DIAPH3: variants seen among roughly 807,000 people sequenced by gnomAD.
DIAPH3 encodes diaphanous related formin 3, also known as protein diaphanous homolog 3.
DIAPH3 carries 117 observed loss-of-function variants against 144.3 expected under a neutral mutation model. The ratio of observed to expected loss-of-function variants is 0.81; its 90% CI spans 0.70 to 0.95. The LOEUF is 0.95. Among genes scored for constraint, DIAPH3 ranks in the 40% least tolerant of loss-of-function variants. The probability of loss-of-function intolerance (pLI) is 0.00; values close to 1 mark genes in which losing one functional copy is unlikely to be tolerated. For synonymous variants in DIAPH3, 519 were observed against 488.9 expected, an observed-to-expected ratio of 1.06 and a Z score of -0.81; for missense variants, 1,421 against 1,412.7, an observed-to-expected ratio of 1.01 and a Z score of -0.09.
intron 1 of DIAPH3, among the ~76,000 whole-genome samples, chr13:60,142,642 C>T (rs2059449120): frequency 6.6e-6 from 1 of 152,146 alleles, no homozygotes; most frequent in Non-Finnish European, 1.5e-5. Context: ...AGCCCAGCAC[C>T]AGCCATGGTT....
intron 27 of DIAPH3, among the ~76,000 whole-genome samples, chr13:59,741,293 C>T (rs1593721271): frequency 6.6e-6 from 1 of 152,098 alleles, no homozygotes. Flanking sequence ...AACAAAAAAT[C>T]TGAGTGAATA....
chr13:59,939,642 C>T (rs1240574218), intron 17 of DIAPH3, among the ~76,000 whole-genome samples: 1 of 152,104 alleles, frequency 6.6e-6, no homozygotes, highest in African/African-American at 2.4e-5. Flanking sequence ...AAACCATTTA[C>T]CCAGGACCAG....
At chr13:59,870,987 C>T (rs1374034741) in intron 21 of DIAPH3, among the ~76,000 whole-genome samples, 3 of 152,078 alleles carry the variant, frequency 2.0e-5, no homozygotes, top group Non-Finnish European at 4.4e-5. Context: ...TTTCCTCATA[C>T]AGATCTTATA....
chr13:59,800,273 T>G (rs1156592319), intron 25 of DIAPH3, among the ~76,000 whole-genome samples: 1 of 152,224 alleles, frequency 6.6e-6, no homozygotes, highest in Non-Finnish European at 1.5e-5. Context: ...TCCCCTTCTT[T>G]TCTTACCTTT....
chr13:59,992,371 T>C, intron 10 of DIAPH3, 102 bp downstream of exon 10: 1 of 1,159,362 alleles, frequency 8.6e-7, no homozygotes, highest in South Asian at 1.4e-5. Flanking sequence ...CTCAAGCCTT[T>C]TCCCACAGAT....
chr13:59,825,623 A>G (rs1459922734), intron 24 of DIAPH3, among the ~76,000 whole-genome samples: 1 of 152,196 alleles, frequency 6.6e-6, no homozygotes. Flanking sequence ...TGACTTCCAC[A>G]ATGGTTGAAC....
chr13:59,826,266 G>T (rs1177625145), intron 24 of DIAPH3, among the ~76,000 whole-genome samples: 1 of 93,166 alleles, frequency 1.1e-5, no homozygotes, highest in Admixed American at 1.2e-4. Flanking sequence ...TGACATGATT[G>T]TATATCTAGA....
intron 13 of DIAPH3, among the ~76,000 whole-genome samples, chr13:59,983,442 C>A (rs1469179674): frequency 6.6e-6 from 1 of 151,342 alleles, no homozygotes; most frequent in Non-Finnish European, 1.5e-5. Context: ...ATTTTTAGGA[C>A]CTTATCAAAG....
At chr13:59,964,842 C>T (rs1391996734) in intron 17 of DIAPH3, among the ~76,000 whole-genome samples, 1 of 152,152 alleles carries the variant, frequency 6.6e-6, no homozygotes, top group Non-Finnish European at 1.5e-5. Flanking sequence ...TCATTCTCTA[C>T]TGACTTTCTC....
chr13:59,879,114 C>A, intron 21 of DIAPH3, 115 bp downstream of exon 21: 2 of 1,451,876 alleles, frequency 1.4e-6, no homozygotes, highest in East Asian at 4.9e-5. Flanking sequence ...TGGTTCAGTT[C>A]AAGTTCTTGA....
At chr13:59,805,992 T>G (rs1318695016) in intron 25 of DIAPH3, among the ~76,000 whole-genome samples, 6 of 151,986 alleles carry the variant, frequency 3.9e-5, no homozygotes, top group Admixed American at 6.6e-5. Flanking sequence ...CTACCTCAGA[T>G]AGTGATACAA....
chr13:59,952,955 T>C (rs1291738335), intron 17 of DIAPH3, among the ~76,000 whole-genome samples: 3 of 152,166 alleles, frequency 2.0e-5, no homozygotes, highest in African/African-American at 7.2e-5. Context: ...GAGCTTAAAT[T>C]CCAGTGGGAG....
intron 20 of DIAPH3, among the ~76,000 whole-genome samples, chr13:59,905,729 A>C (rs895791504): frequency 1.3e-5 from 2 of 152,148 alleles, no homozygotes; most frequent in Admixed American, 1.3e-4. Context: ...TATAAGAGGG[A>C]AGCAGGAGGG....
intron 5 of DIAPH3, among the ~76,000 whole-genome samples, chr13:60,041,788 T>A (rs2055688880): frequency 6.6e-6 from 1 of 152,186 alleles, no homozygotes; most frequent in South Asian, 2.1e-4. Flanking sequence ...TCCTTGTAGC[T>A]CTGAAATTCT....
chr13:59,889,605 T>A (rs1391522722), intron 20 of DIAPH3, among the ~76,000 whole-genome samples: 1 of 152,066 alleles, frequency 6.6e-6, no homozygotes, highest in African/African-American at 2.4e-5. Flanking sequence ...CTGGGCCATT[T>A]TGGACTTCTT....
chr13:59,916,272 G>A lies in DIAPH3; in HGVS notation c.2171-23C>T, dbSNP rs547471339. 22 of 1,565,842 alleles carry A rather than the reference G, an allele frequency of 1.4e-5. No homozygotes were observed. The East Asian group carries it at 3.1e-4, about 22-fold the overall frequency. On this transcript the variant is annotated intron_variant, in intron 18 of 27. Transcript: ENST00000400324. ...TTGCTAAGAAGGAGAAAGAGAGAAA[G>A]GTTTATAATGAATAAGGTTTAAAAA...
chr13:59,816,505 ATTAT>A (rs1327958383), intron 24 of DIAPH3, among the ~76,000 whole-genome samples: 2 of 151,380 alleles, frequency 1.3e-5, no homozygotes, highest in Non-Finnish European at 3.0e-5. Flanking sequence ...TATCCTCAAT[ATTAT>A]TTATCTTCTC....
intron 23 of DIAPH3, among the ~76,000 whole-genome samples, chr13:59,836,647 CTT>C (rs1424211939): frequency 6.6e-6 from 1 of 151,722 alleles, no homozygotes; most frequent in African/African-American, 2.4e-5. Context: ...AAAATTGTAT[CTT>C]AATAATTTAA....
chr13:59,944,429 C>A (rs2048697717), intron 17 of DIAPH3, among the ~76,000 whole-genome samples: 2 of 152,136 alleles, frequency 1.3e-5, no homozygotes, highest in African/African-American at 2.4e-5. Context: ...GAGAAAGAAG[C>A]AAACTATGGC....
Sources: gnomAD v4.1 joint callset for allele counts (sites outside exome capture counted in the v4.1 genomes callset) on GRCh38, gnomAD v4.1.1 for gene constraint, MANE v1.5 for transcripts, NCBI Gene and HGNC (gene_info 2026-07-23, HGNC 2026-07-21) for gene names.